MAGI2: variants seen among roughly 807,000 people sequenced by gnomAD.
MAGI2 encodes the protein membrane associated guanylate kinase, WW and PDZ domain containing 2, also known as membrane-associated guanylate kinase, WW and PDZ domain-containing protein 2.
A neutral mutation model predicts 133.3 loss-of-function variants in MAGI2; 35 were observed. The observed-to-expected ratio is 0.26, with a 90% CI of 0.20 to 0.35. MAGI2 has a LOEUF of 0.35. Among genes scored for constraint, MAGI2 ranks in the 10% least tolerant of loss-of-function variants. The probability of loss-of-function intolerance (pLI) is 1.00; values close to 1 mark genes in which losing one functional copy is unlikely to be tolerated. For missense variants in MAGI2, 1,636 were observed against 1,863.4 expected, an observed-to-expected ratio of 0.88 and a Z score of 2.25; for synonymous variants, 729 against 710.6, an observed-to-expected ratio of 1.03 and a Z score of -0.41.
intron 1 of MAGI2, among the ~76,000 whole-genome samples, chr7:79,229,770 C>A (rs998512429): frequency 2.7e-5 from 4 of 150,754 alleles, no homozygotes; most frequent in Non-Finnish European, 5.9e-5. Flanking sequence ...GAAAAATATT[C>A]TTTTTTTTTA....
chr7:79,249,450 A>G (rs1833067045), intron 1 of MAGI2, among the ~76,000 whole-genome samples: 1 of 152,092 alleles, frequency 6.6e-6, no homozygotes, highest in African/African-American at 2.4e-5. Flanking sequence ...AATAAAATCC[A>G]GGTTAATAAA....
At chr7:78,528,495 A>G (rs1261598862) in intron 3 of MAGI2, among the ~76,000 whole-genome samples, 1 of 152,230 alleles carries the variant, frequency 6.6e-6, no homozygotes, top group Non-Finnish European at 1.5e-5. Flanking sequence ...CATGTCACCC[A>G]TGGCAAAAGA....
chr7:79,287,325 A>G (rs1836090991), intron 1 of MAGI2, among the ~76,000 whole-genome samples: 1 of 152,092 alleles, frequency 6.6e-6, no homozygotes, highest in Non-Finnish European at 1.5e-5. Flanking sequence ...ATATCCCTAT[A>G]TTAATATTAT....
intron 2 of MAGI2, among the ~76,000 whole-genome samples, chr7:78,827,534 C>T (rs1252905528): frequency 6.6e-6 from 1 of 152,114 alleles, no homozygotes; most frequent in African/African-American, 2.4e-5. Flanking sequence ...GCCTTGGGTT[C>T]CTAATGTGCT....
At chr7:78,901,373 T>C (rs1041257850) in intron 2 of MAGI2, 1 of 152,136 alleles carries the variant, frequency 6.6e-6, no homozygotes, top group Non-Finnish European at 1.5e-5. Context: ...AAGTGTGTGA[T>C]AGAATGATTT....
intron 2 of MAGI2, among the ~76,000 whole-genome samples, chr7:78,749,351 A>C (rs1823234977): frequency 6.6e-6 from 1 of 152,212 alleles, no homozygotes; most frequent in Admixed American, 6.5e-5. Flanking sequence ...ACAGGCACAA[A>C]GTCGTGTTTT....
At chr7:78,078,883 A>G (rs1815661156) in intron 21 of MAGI2, 64 bp downstream of exon 21, 13 of 1,597,888 alleles carry the variant, frequency 8.1e-6, no homozygotes, top group East Asian at 2.2e-5. Context: ...TTTTATAAAT[A>G]ACCATAAGCA....
chr7:78,691,250 A>G (rs1205278547), intron 2 of MAGI2, among the ~76,000 whole-genome samples: 3 of 152,082 alleles, frequency 2.0e-5, no homozygotes, highest in Non-Finnish European at 4.4e-5. Context: ...TCTAGTTGCT[A>G]TTTATTTCAC....
At chr7:78,111,444 G>T (rs533935026) in intron 20 of MAGI2, among the ~76,000 whole-genome samples, 8 of 152,176 alleles carry the variant, frequency 5.3e-5, no homozygotes, top group Non-Finnish European at 1.0e-4. Flanking sequence ...AGCCCTCATG[G>T]GAAGATGCTT....
Position 79,310,129 on chromosome 7 carries a change from A to T in MAGI2, c.301+142891T>A, listed in dbSNP as rs138769731. 5.8e-3 allele frequency among the ~76,000 whole-genome samples: 762 copies of T among 131,472 alleles called. 9 individuals carry two copies. Among genetic ancestry groups the T allele is most frequent in the Non-Finnish European group, 6.3e-3 (405 of 64,008 alleles). 86.3% of individuals were successfully genotyped at this position (131,472 alleles called of 152,430 possible). On this transcript the variant is annotated intron_variant, in intron 1 of 21. Transcript: ENST00000354212. ...CAACAAGCCGAGATCGTGCTACTGC[A>T]CTCAAGCCTGGGAGACAGAGGAGAG...
chr7:78,867,223 A>G (rs1794635985), intron 2 of MAGI2, among the ~76,000 whole-genome samples: 3 of 151,472 alleles, frequency 2.0e-5, no homozygotes, highest in Admixed American at 6.6e-5. Flanking sequence ...TCATGCTGCT[A>G]TAAAGACACA....
intron 2 of MAGI2, among the ~76,000 whole-genome samples, chr7:78,852,322 A>T (rs1378612757): frequency 1.3e-5 from 2 of 152,044 alleles, no homozygotes; most frequent in East Asian, 1.9e-4. Flanking sequence ...AGTCAACTAT[A>T]TGTGTGACAG....
intron 14 of MAGI2, among the ~76,000 whole-genome samples, chr7:78,173,470 C>G (rs554381942): frequency 6.6e-6 from 1 of 152,122 alleles, no homozygotes; most frequent in African/African-American, 2.4e-5. Flanking sequence ...TGGCTTCCCC[C>G]CAAAGCAGAC....
chr7:78,819,875 TA>T (rs1281375276), intron 2 of MAGI2, among the ~76,000 whole-genome samples: 1 of 152,058 alleles, frequency 6.6e-6, no homozygotes, highest in African/African-American at 2.4e-5. Context: ...GTATTTCTAA[TA>T]AATAAATTAA....
chr7:78,498,147 C>T (rs1403577599), intron 5 of MAGI2, among the ~76,000 whole-genome samples: 3 of 152,046 alleles, frequency 2.0e-5, no homozygotes, highest in African/African-American at 7.2e-5. Flanking sequence ...TAAGTGTTCT[C>T]AACACAAAAA....
chr7:78,589,632 T>C (rs1256625992), intron 3 of MAGI2, among the ~76,000 whole-genome samples: 1 of 152,108 alleles, frequency 6.6e-6, no homozygotes, highest in African/African-American at 2.4e-5. Context: ...CCAGGTGTGA[T>C]CTACACTTGA....
intron 1 of MAGI2, among the ~76,000 whole-genome samples, chr7:79,388,028 CTGCT>C (rs1844316908): frequency 6.6e-6 from 1 of 151,686 alleles, no homozygotes; most frequent in African/African-American, 2.4e-5. Flanking sequence ...AATAATATTC[CTGCT>C]TGCTTAATGA....
At chr7:78,411,949 C>T (rs112273006) in intron 6 of MAGI2, among the ~76,000 whole-genome samples, 27 of 152,032 alleles carry the variant, frequency 1.8e-4, no homozygotes, top group African/African-American at 5.5e-4. Flanking sequence ...TTTTAAATGA[C>T]GGTATAAATT....
chr7:78,748,106 ACT>A (rs1195104863), intron 2 of MAGI2, among the ~76,000 whole-genome samples: 1 of 151,934 alleles, frequency 6.6e-6, no homozygotes, highest in Non-Finnish European at 1.5e-5. Context: ...CCACTTTTCC[ACT>A]GAGTAAGCCC....
Sources: gnomAD v4.1 joint callset for allele counts (sites outside exome capture counted in the v4.1 genomes callset) on GRCh38, gnomAD v4.1.1 for gene constraint, MANE v1.5 for transcripts, NCBI Gene and HGNC (gene_info 2026-07-23, HGNC 2026-07-21) for gene names.